ZNF480: variants seen among roughly 807,000 people sequenced by gnomAD.
ZNF480 encodes the protein zinc finger protein 480.
A neutral mutation model predicts 14.4 loss-of-function variants in ZNF480; 15 were observed. The observed-to-expected ratio is 1.04, with a 90% CI of 0.70 to 1.60. ZNF480 has a LOEUF of 1.60. Ranked by LOEUF, ZNF480 falls within the 40% of genes most tolerant of loss-of-function variation. The pLI is 0.00. For missense variants in ZNF480, 593 were observed against 629.7 expected, an observed-to-expected ratio of 0.94 and a Z score of 0.62; for synonymous variants, 218 against 215.5, an observed-to-expected ratio of 1.01 and a Z score of -0.10.
chr19:52,314,218 T>C lies in ZNF480; in HGVS notation c.138T>C (p.Pro46=), dbSNP rs987757856. The change falls in exon 3 of 5, where the codon CCT becomes CCC. Residue 46 remains proline (P), a synonymous_variant. Transcript: ENST00000595962. ...FSQAEWKCLD[P]AQRALYKDVM... ...AGGCGGAGTGGAAATGCCTGGACCCTGCACAGAGGGCTTTATACAAGGATG... is the reference window on the plus strand; with the variant it reads ...AGGCGGAGTGGAAATGCCTGGACCCCGCACAGAGGGCTTTATACAAGGATG... 4 of 1,584,374 alleles carry C rather than the reference T, an allele frequency of 2.5e-6. No homozygotes were observed. Among genetic ancestry groups the C allele is most frequent in the Admixed American group, 3.4e-5 (2 of 58,918 alleles).
At chr19:52,315,178 G>T (rs1312221294) in intron 3 of ZNF480, among the ~76,000 whole-genome samples, 1 of 151,932 alleles carries the variant, frequency 6.6e-6, no homozygotes, top group African/African-American at 2.4e-5. Flanking sequence ...CAAAGTCCTG[G>T]GCTCAAGCAA....
In ZNF480 at chr19:52,322,773, A is replaced by G; in HGVS notation, c.1523A>G (p.Glu508Gly). The change falls in exon 5 of 5, where the codon GAG becomes GGG. Residue 508 changes from glutamate to glycine, a missense_variant. By Grantham distance (98) the Glu-to-Gly change is moderately conservative (BLOSUM62 -2). Transcript: ENST00000595962. Reference protein sequence around the residue: ...LARHRKIHTGEKPYKCNECGK... With the variant: ...LARHRKIHTGGKPYKCNECGK... ...CGACATCGGAAAATTCATACTGGAG[A>G]GAAACCTTACAAATGTAATGAGTGT... is the stretch of plus-strand genomic sequence containing the variant. The G allele has an allele frequency of 1.9e-6, 3 of 1,613,612 alleles. No homozygotes were observed. Among genetic ancestry groups the G allele is most frequent in the Non-Finnish European group, 2.5e-6 (3 of 1,179,604 alleles).
chr19:52,306,784 A>G (rs1982951584), intron 2 of ZNF480, among the ~76,000 whole-genome samples: 1 of 151,742 alleles, frequency 6.6e-6, no homozygotes, highest in Admixed American at 6.6e-5. Context: ...TCCATATCAC[A>G]CTCTCATCTA....
intron 1 of ZNF480, among the ~76,000 whole-genome samples, chr19:52,298,626 C>A (rs1369886318): frequency 6.7e-6 from 1 of 149,350 alleles, no homozygotes; most frequent in Non-Finnish European, 1.5e-5. Flanking sequence ...AGCAAAACTC[C>A]GTCTCAGGGA....
chr19:52,319,822 T>TG (rs771523425), intron 4 of ZNF480, among the ~76,000 whole-genome samples: 15 of 107,528 alleles, frequency 1.4e-4, no homozygotes, highest in Non-Finnish European at 2.8e-4. Context: ...TTTTTTTTTT[T>TG]TTTTTTTTTT....
intron 4 of ZNF480, among the ~76,000 whole-genome samples, chr19:52,317,905 A>G (rs1194316587): frequency 6.6e-6 from 1 of 151,970 alleles, no homozygotes; most frequent in African/African-American, 2.4e-5. Context: ...TATGGGTGTG[A>G]GGTGATATTC....
At chr19:52,307,584 A>T (rs566560161) in intron 2 of ZNF480, 2 of 152,232 alleles carry the variant, frequency 1.3e-5, no homozygotes, top group Non-Finnish European at 2.9e-5. Flanking sequence ...ATAGACTGTA[A>T]AGTGTGATCA....
chr19:52,320,570 C>T lies in ZNF480; in HGVS notation c.329-1009C>T, dbSNP rs577711884. 1.5e-4 allele frequency among the ~76,000 whole-genome samples: 23 copies of T among 152,142 alleles called. No homozygotes were observed. In the South Asian group the frequency reaches 3.5e-3, roughly 23 times the overall value. ...CAGCACTTTCGGAGGCTGAGGTGGCCGGATCATGGTCAGGAGTTCCAGACC... is the reference window on the plus strand; with the variant it reads ...CAGCACTTTCGGAGGCTGAGGTGGCTGGATCATGGTCAGGAGTTCCAGACC... On this transcript the variant is annotated intron_variant, in intron 4 of 4. Transcript: ENST00000595962.
chr19:52,315,742 G>A, intron 3 of ZNF480, 92 bp from the exon 4 acceptor site: 4 of 1,418,494 alleles, frequency 2.8e-6, no homozygotes, highest in Non-Finnish European at 3.8e-6. Context: ...TATTATTCTT[G>A]ATTCATTTGT....
intron 2 of ZNF480, among the ~76,000 whole-genome samples, chr19:52,307,217 G>A (rs994404602): frequency 2.6e-5 from 4 of 152,212 alleles, no homozygotes; most frequent in East Asian, 3.9e-4. Context: ...TTCTCAGTCC[G>A]GATACCAGGG....
chr19:52,312,331 T>C (rs937977777), intron 2 of ZNF480, among the ~76,000 whole-genome samples: 1 of 151,818 alleles, frequency 6.6e-6, no homozygotes, highest in Non-Finnish European at 1.5e-5. Context: ...CAGCTACTTT[T>C]TGTATTTTTT....
At chr19:52,316,077 G>A in intron 4 of ZNF480, 115 bp downstream of exon 4, 1 of 1,165,580 alleles carries the variant, frequency 8.6e-7, no homozygotes, top group Non-Finnish European at 1.1e-6. Context: ...TTGTTTTTGA[G>A]ATGGAGTTTC....
At chr19:52,319,333 C>T (rs1983697519) in intron 4 of ZNF480, among the ~76,000 whole-genome samples, 1 of 152,098 alleles carries the variant, frequency 6.6e-6, no homozygotes, top group Non-Finnish European at 1.5e-5. Context: ...TAAATTTCTC[C>T]TTTATTTTTG....
intron 4 of ZNF480, among the ~76,000 whole-genome samples, chr19:52,317,158 C>G (rs1983598086): frequency 6.6e-6 from 1 of 151,794 alleles, no homozygotes; most frequent in Non-Finnish European, 1.5e-5. Flanking sequence ...GCTAGGACTA[C>G]AGGTGCACAC....
At chr19:52,317,161 G>A (rs1350699001) in intron 4 of ZNF480, among the ~76,000 whole-genome samples, 1 of 151,856 alleles carries the variant, frequency 6.6e-6, no homozygotes, top group Non-Finnish European at 1.5e-5. Flanking sequence ...AGGACTACAG[G>A]TGCACACCAC....
At chr19:52,315,043 G>A (rs1018732043) in intron 3 of ZNF480, among the ~76,000 whole-genome samples, 2 of 151,946 alleles carry the variant, frequency 1.3e-5, no homozygotes, top group African/African-American at 4.8e-5. Context: ...GCTTACTGCA[G>A]CCTCTGCCTC....
At chr19:52,301,855 C>T (rs1038341062) in intron 2 of ZNF480, 2 of 153,164 alleles carry the variant, frequency 1.3e-5, no homozygotes, top group African/African-American at 2.4e-5. Flanking sequence ...GGTATCCATA[C>T]TCCTTCTCAG....
chr19:52,301,897 T>A (rs1982709960), intron 2 of ZNF480: 1 of 156,738 alleles, frequency 6.4e-6, no homozygotes, highest in Non-Finnish European at 1.4e-5. Context: ...TGATGAGTAT[T>A]ATACAGGGAA....
intron 1 of ZNF480, among the ~76,000 whole-genome samples, chr19:52,299,716 A>G (rs28542592): frequency 0.016 from 2,484 of 152,102 alleles, 63 homozygotes; most frequent in African/African-American, 0.052. Flanking sequence ...GTTTTGAGAC[A>G]GAGTTTCACT....
Sources: allele counts gnomAD v4.1 joint callset (sites outside exome capture counted in the v4.1 genomes callset), GRCh38; gene constraint gnomAD v4.1.1; transcripts MANE v1.5; gene names NCBI Gene and HGNC (gene_info 2026-07-23, HGNC 2026-07-21).